BMPR2: variants seen among roughly 807,000 people sequenced by gnomAD.
BMPR2 encodes the protein bone morphogenetic protein receptor type-2.
In BMPR2, 29 loss-of-function variants were observed where a neutral mutation model predicts 100.8. The ratio of observed to expected loss-of-function variants is 0.29; its 90% CI spans 0.21 to 0.39. The LOEUF (loss-of-function observed/expected upper bound fraction) is 0.39. Among genes scored for constraint, BMPR2 ranks in the 10% least tolerant of loss-of-function variants. BMPR2 has a pLI of 1.00. For missense variants in BMPR2, 1,011 were observed against 1,274.5 expected (o/e 0.79, Z 3.15); for synonymous variants, 382 against 442.3 (o/e 0.86, Z 1.71).
At chr2:202,405,490 C>T (rs976474299) in intron 1 of BMPR2, among the ~76,000 whole-genome samples, 1 of 151,836 alleles carries the variant, frequency 6.6e-6, no homozygotes, top group African/African-American at 2.4e-5. Flanking sequence ...AGATCGAGAC[C>T]ATCTTGGCTA....
At chr2:202,488,603 T>G (rs549839241) in intron 3 of BMPR2, among the ~76,000 whole-genome samples, 2 of 152,192 alleles carry the variant, frequency 1.3e-5, no homozygotes, top group East Asian at 3.9e-4. Flanking sequence ...GAATCTTTTT[T>G]TTAATGTTTT....
chr2:202,403,037 A>C (rs1484437857), intron 1 of BMPR2, among the ~76,000 whole-genome samples: 1 of 151,770 alleles, frequency 6.6e-6, no homozygotes, highest in Non-Finnish European at 1.5e-5. Context: ...CATGTTGGTC[A>C]GGCTGGTCTC....
intron 1 of BMPR2, among the ~76,000 whole-genome samples, chr2:202,408,381 A>G (rs1255352209): frequency 6.6e-6 from 1 of 152,210 alleles, no homozygotes; most frequent in African/African-American, 2.4e-5. Context: ...TAAGTGCACC[A>G]GTAGGTTAAA....
At chr2:202,456,325 C>T (rs1481231921) in intron 1 of BMPR2, among the ~76,000 whole-genome samples, 3 of 150,796 alleles carry the variant, frequency 2.0e-5, no homozygotes, top group African/African-American at 7.3e-5. Context: ...GCGCCCACCA[C>T]CACGCCCAGC....
chr2:202,479,777 T>G (rs1692624444), intron 3 of BMPR2, among the ~76,000 whole-genome samples: 1 of 152,116 alleles, frequency 6.6e-6, no homozygotes, highest in East Asian at 1.9e-4. Flanking sequence ...TAGTGACCAG[T>G]TTCTTTTTGG....
At chr2:202,478,879 T>C (rs1559050794) in intron 3 of BMPR2, among the ~76,000 whole-genome samples, 1 of 152,088 alleles carries the variant, frequency 6.6e-6, no homozygotes, top group Non-Finnish European at 1.5e-5. Context: ...TGAGCCATGA[T>C]TACACCACTG....
chr2:202,377,398 G>A lies in BMPR2; in HGVS notation c.-77G>A. The A allele has an allele frequency of 1.4e-6, 2 of 1,408,704 alleles. No homozygotes were observed. The highest frequency in any genetic ancestry group is 2.0e-6 in the Non-Finnish European group (2 of 992,490). The allele number at this position is 1,408,704 out of a possible 1,614,324, so 87.3% of individuals were successfully genotyped here. On this transcript the variant is annotated 5_prime_UTR_variant, in exon 1 of 13. Transcript: ENST00000374580. ...GATCAGTCCACGGGAGAGAAGACGAGCCTCCCGGCTGTTTCTCCGCCGGTC... is the reference window on the plus strand; with the variant it reads ...GATCAGTCCACGGGAGAGAAGACGAACCTCCCGGCTGTTTCTCCGCCGGTC...
intron 3 of BMPR2, among the ~76,000 whole-genome samples, chr2:202,482,924 A>G (rs1371076686): frequency 1.3e-5 from 2 of 152,088 alleles, no homozygotes; most frequent in Non-Finnish European, 2.9e-5. Context: ...GCTTCAAGTA[A>G]TCCTCCCACC....
intron 10 of BMPR2, among the ~76,000 whole-genome samples, chr2:202,546,030 G>A (rs917465774): frequency 2.3e-4 from 35 of 151,850 alleles, no homozygotes; most frequent in African/African-American, 8.2e-4. Context: ...AATATCTCTC[G>A]GCAACCCTAT....
chr2:202,470,742 G>A (rs1574465709), intron 3 of BMPR2, among the ~76,000 whole-genome samples: 5 of 146,706 alleles, frequency 3.4e-5, no homozygotes, highest in South Asian at 2.2e-4. Flanking sequence ...CCGCAGTCCG[G>A]CCTGGGCGAC....
At chr2:202,523,579 G>A (rs987856150) in intron 7 of BMPR2, among the ~76,000 whole-genome samples, 5 of 152,014 alleles carry the variant, frequency 3.3e-5, no homozygotes, top group Non-Finnish European at 7.4e-5. Flanking sequence ...TGAGGTGGGC[G>A]GATCACCTGA....
chr2:202,555,868 C>G lies in BMPR2; in HGVS notation c.2203C>G (p.Pro735Ala). 1.9e-6 allele frequency: 3 copies of G among 1,614,164 alleles called. No homozygotes were observed. Among genetic ancestry groups the G allele is most frequent in the Non-Finnish European group, 2.5e-6 (3 of 1,180,032 alleles). ...TGCAAATGGCCAAGCATGTTTGATT[C>G]CTGATGTTCTGCCTACTCAGATCTA... ...QTANGQACLI[P>A]DVLPTQIYPL... The change falls in exon 12 of 13, where the codon CCT (proline) becomes GCT (alanine). Residue 735 changes from proline to alanine, a missense_variant. By Grantham distance (27) the Pro-to-Ala change is conservative (BLOSUM62 -1). This residue lies in a region of BMPR2 where 508 missense variants were observed against 552.0 expected (regional missense o/e 0.92). Coordinates refer to ENST00000374580, the MANE Select transcript of BMPR2 (RefSeq NM_001204.7).
chr2:202,384,578 C>CTTTTCTTTT (rs1337147198), intron 1 of BMPR2, among the ~76,000 whole-genome samples: 3 of 60,232 alleles, frequency 5.0e-5, no homozygotes, highest in African/African-American at 1.4e-4. Flanking sequence ...CTTTTTCTTT[C>CTTTTCTTTT]TTTTCTTTCT....
intron 3 of BMPR2, chr2:202,475,003 TGTTAATATTTA>T (rs1215611713): frequency 1.3e-5 from 2 of 152,152 alleles, no homozygotes; most frequent in Non-Finnish European, 2.9e-5. Context: ...ATACAACCAT[TGTTAATATTTA>T]GAATGTTTCT....
intron 3 of BMPR2, among the ~76,000 whole-genome samples, chr2:202,498,617 G>C (rs965014190): frequency 6.6e-6 from 1 of 152,222 alleles, no homozygotes; most frequent in African/African-American, 2.4e-5. Context: ...AACCACGGGC[G>C]GTTTTGTCTT....
At chr2:202,492,725 CAAAAA>C (rs796078041) in intron 3 of BMPR2, among the ~76,000 whole-genome samples, 1 of 111,690 alleles carries the variant, frequency 9.0e-6, no homozygotes, top group Non-Finnish European at 1.8e-5. Context: ...AAAAAAAAAC[CAAAAA>C]AAAAAACAAA....
At chr2:202,456,706 G>A (rs887686672) in intron 1 of BMPR2, among the ~76,000 whole-genome samples, 1 of 151,686 alleles carries the variant, frequency 6.6e-6, no homozygotes, top group Admixed American at 6.6e-5. Context: ...GAAGAGACGG[G>A]GTTTCACCAT....
intron 6 of BMPR2, among the ~76,000 whole-genome samples, chr2:202,519,311 C>T (rs1191073030): frequency 6.6e-6 from 1 of 151,934 alleles, no homozygotes; most frequent in Non-Finnish European, 1.5e-5. Context: ...TGCAGGGAGC[C>T]GAGATTGTAC....
chr2:202,508,291 C>T (rs900978651), intron 3 of BMPR2, among the ~76,000 whole-genome samples: 1 of 151,544 alleles, frequency 6.6e-6, no homozygotes, highest in Non-Finnish European at 1.5e-5. Flanking sequence ...TGGGGTTTCA[C>T]CATGTTGGTC....
Sources: gnomAD v4.1 joint callset for allele counts (sites outside exome capture counted in the v4.1 genomes callset) on GRCh38, gnomAD v4.1.1 for gene constraint, gnomAD v4.1.1 regional missense constraint, MANE v1.5 for transcripts, NCBI Gene and HGNC (gene_info 2026-07-23, HGNC 2026-07-21) for gene names.